KAT2B: variants seen among roughly 807,000 people sequenced by gnomAD.
KAT2B encodes lysine acetyltransferase 2B.
Under a neutral mutation model 105.9 loss-of-function variants are expected in KAT2B, and 36 were observed. The ratio of observed to expected loss-of-function variants is 0.34; its 90% CI spans 0.26 to 0.45. The LOEUF is 0.45. KAT2B is among the 20% of genes least tolerant of loss of function. The probability of loss-of-function intolerance (pLI) is 1.00; values close to 1 mark genes in which losing one functional copy is unlikely to be tolerated. For synonymous variants in KAT2B, 397 were observed against 377.9 expected (o/e 1.05, Z -0.59); for missense variants, 820 against 1,021.6 (o/e 0.80, Z 2.69).
chr3:20,126,112 C>G lies in KAT2B; in HGVS notation c.1621C>G (p.Pro541Ala). ...ATACATCACACGGCTCGTCTTTGAC[C>G]CGTAAGTGGTACTTTCTGTTCCTTC... is the stretch of plus-strand genomic sequence containing the variant. ...KEYITRLVFD[P>A]KHKTLALIKD... The change falls in exon 10 of 18, where the codon CCG becomes GCG. Residue 541 changes from proline (P) to alanine (A), a missense_variant and splice_region_variant. Physicochemically the swap from Pro to Ala is conservative, Grantham distance 27. Coordinates refer to ENST00000263754, the MANE Select transcript of KAT2B (RefSeq NM_003884.5). 6.3e-7 allele frequency: 1 copy of G among 1,590,232 alleles called. No homozygotes were observed. The highest frequency in any genetic ancestry group is 1.1e-5 in the South Asian group (1 of 88,896).
At chr3:20,063,932 A>C (rs1454791640) in intron 1 of KAT2B, among the ~76,000 whole-genome samples, 2 of 152,142 alleles carry the variant, frequency 1.3e-5, no homozygotes, top group African/African-American at 4.8e-5. Flanking sequence ...ATTCTTGTGC[A>C]CACAGATACC....
chr3:20,060,622 C>T (rs1285826963), intron 1 of KAT2B, among the ~76,000 whole-genome samples: 5 of 150,226 alleles, frequency 3.3e-5, no homozygotes, highest in Non-Finnish European at 7.4e-5. Context: ...AACAAACACA[C>T]AAACAACAAA....
chr3:20,057,449 G>C (rs765748742), intron 1 of KAT2B, among the ~76,000 whole-genome samples: 4 of 152,100 alleles, frequency 2.6e-5, no homozygotes, highest in Admixed American at 1.3e-4. Flanking sequence ...TGCTCATCCT[G>C]GTTGATTTGG....
At position 20,125,946 on chromosome 3, in the gene KAT2B, A is replaced by C. The variant is rs1453975029; in HGVS notation, c.1455A>C (p.Ala485=). ...LSAHSARDEA[A]RLEERRGVIE... ...CACACTCGGCCAGGGATGAGGCGGC[A>C]AGGTTGGAAGAGCGCAGGGGTGTAA... The change falls in exon 10 of 18, where the codon GCA becomes GCC. Residue 485 remains alanine, a synonymous_variant. Transcript: ENST00000263754. The C allele has an allele frequency of 3.1e-6, 5 of 1,613,954 alleles. No homozygotes were observed. The highest frequency in any genetic ancestry group is 4.2e-6 in the Non-Finnish European group (5 of 1,179,932).
intron 13 of KAT2B, among the ~76,000 whole-genome samples, chr3:20,141,881 TTAA>T (rs1699700541): frequency 1.3e-5 from 2 of 150,174 alleles, no homozygotes; most frequent in African/African-American, 4.9e-5. Context: ...CTTGGAAGAG[TTAA>T]TAAAGCACAG....
chr3:20,042,036 A>G (rs1010060308), intron 1 of KAT2B, among the ~76,000 whole-genome samples: 5 of 152,216 alleles, frequency 3.3e-5, no homozygotes, highest in Admixed American at 1.3e-4. Flanking sequence ...GAGTGAATGT[A>G]GGATCTAGCC....
intron 1 of KAT2B, among the ~76,000 whole-genome samples, chr3:20,049,965 T>C (rs1054739369): frequency 6.6e-6 from 1 of 152,146 alleles, no homozygotes; most frequent in African/African-American, 2.4e-5. Flanking sequence ...TTTGGGAGGC[T>C]GAGGCAGGCG....
intron 11 of KAT2B, among the ~76,000 whole-genome samples, chr3:20,135,395 CT>C (rs1410004221): frequency 1.3e-5 from 2 of 152,288 alleles, no homozygotes; most frequent in Non-Finnish European, 2.9e-5. Flanking sequence ...TGGCTCACGC[CT>C]GTAATCCCAG....
intron 6 of KAT2B, among the ~76,000 whole-genome samples, chr3:20,112,906 GT>G (rs1699146145): frequency 1.3e-5 from 2 of 152,260 alleles, no homozygotes; most frequent in South Asian, 4.1e-4. Flanking sequence ...AAATAAAATG[GT>G]TTTCTGACAG....
At chr3:20,145,016 C>G (rs564674508) in intron 13 of KAT2B, among the ~76,000 whole-genome samples, 3 of 151,962 alleles carry the variant, frequency 2.0e-5, no homozygotes, top group Non-Finnish European at 4.4e-5. Flanking sequence ...AGGCTGGTCT[C>G]GAGCTCCTCA....
At chr3:20,067,614 T>C (rs908745578) in intron 1 of KAT2B, among the ~76,000 whole-genome samples, 2 of 152,224 alleles carry the variant, frequency 1.3e-5, no homozygotes, top group African/African-American at 2.4e-5. Context: ...CAGAGTTTTA[T>C]AAGCAAGCCC....
Position 20,118,208 on chromosome 3 carries a change from T to TATATATTTACATATGTAAATATGTAA in KAT2B, c.1151-1377_1151-1352dup, listed in dbSNP as rs1007828850. Among the ~76,000 whole-genome samples the TATATATTTACATATGTAAATATGTAA allele has an allele frequency of 6.1e-5, 9 of 146,798 alleles. No homozygotes were observed. In the East Asian group the frequency reaches 1.6e-3, roughly 25 times the overall value. On this transcript the variant is annotated intron_variant, in intron 7 of 17. Coordinates refer to ENST00000263754, the MANE Select transcript of KAT2B (RefSeq NM_003884.5). ...TAGTTTAAATTTATATATAATATAC[T>TATATATTTACATATGTAAATATGTAA]ATATATTTACATATGTAAATATGTA...
chr3:20,045,830 C>T (rs1193923065), intron 1 of KAT2B, among the ~76,000 whole-genome samples: 2 of 152,120 alleles, frequency 1.3e-5, no homozygotes, highest in East Asian at 1.9e-4. Flanking sequence ...TGATGTTACC[C>T]GCCTCATGGC....
intron 2 of KAT2B, among the ~76,000 whole-genome samples, chr3:20,092,317 C>T (rs181632906): frequency 6.6e-6 from 1 of 151,842 alleles, no homozygotes; most frequent in African/African-American, 2.4e-5. Context: ...CAGCCTCCAC[C>T]TCACAGGTTC....
intron 13 of KAT2B, 85 bp downstream of exon 13, chr3:20,140,449 G>A: frequency 7.4e-7 from 1 of 1,356,172 alleles, no homozygotes; most frequent in Non-Finnish European, 1.0e-6. Flanking sequence ...CTGCGTGTAT[G>A]TGTTTACTGG....
At chr3:20,060,276 A>T (rs778601931) in intron 1 of KAT2B, among the ~76,000 whole-genome samples, 2 of 152,102 alleles carry the variant, frequency 1.3e-5, no homozygotes, top group African/African-American at 2.4e-5. Flanking sequence ...TGGTAAATTT[A>T]TGTTTAACTT....
chr3:20,089,731 A>G (rs976989691), intron 2 of KAT2B, among the ~76,000 whole-genome samples: 3 of 152,104 alleles, frequency 2.0e-5, no homozygotes, highest in African/African-American at 7.2e-5. Flanking sequence ...TATAGTTTGC[A>G]GTGTACATAT....
intron 1 of KAT2B, among the ~76,000 whole-genome samples, chr3:20,064,299 G>T (rs2125175406): frequency 6.6e-6 from 1 of 152,288 alleles, no homozygotes; most frequent in Middle Eastern, 3.4e-3. Context: ...GGCCAAATCA[G>T]TGTAATTAGC....
At position 20,062,193 on chromosome 3, in the gene KAT2B, A is replaced by AGAT. The variant is rs1268216075; in HGVS notation, c.304-10140_304-10139insGAT. 5.7e-5 allele frequency among the ~76,000 whole-genome samples: 2 copies of AGAT among 35,226 alleles called. 1 individual carries two copies. Among genetic ancestry groups the AGAT allele is most frequent in the East Asian group, 2.1e-3 (2 of 970 alleles). 23.1% of individuals were successfully genotyped at this position (35,226 alleles called of 152,430 possible). On this transcript the variant is annotated intron_variant, in intron 1 of 17. Coordinates refer to ENST00000263754, the MANE Select transcript of KAT2B (RefSeq NM_003884.5). ...ATATATAATATATAATATATAAAAT[A>AGAT]TATATATTTTATATAAAATATATTA...
Sources: allele counts gnomAD v4.1 joint callset (sites outside exome capture counted in the v4.1 genomes callset), GRCh38; gene constraint gnomAD v4.1.1; transcripts MANE v1.5; gene names NCBI Gene and HGNC (gene_info 2026-07-23, HGNC 2026-07-21).